SAMMSON: variants seen among roughly 807,000 people sequenced by gnomAD.
SAMMSON encodes the protein long intergenic non-protein coding RNA 1212.
chr3:70,425,209 C>G (rs886416658), intron 2 of SAMMSON: 1 of 152,126 alleles, frequency 6.6e-6, no homozygotes, highest in African/African-American at 2.4e-5. Context: ...CCTTGGTTCT[C>G]AGCTTTTTCA....
chr3:70,268,744 G>T (rs557794581), intron 6 of SAMMSON, among the ~76,000 whole-genome samples: 3 of 152,210 alleles, frequency 2.0e-5, no homozygotes, highest in East Asian at 3.9e-4. Context: ...CTGCTTTAGA[G>T]AAATACTTCA....
At chr3:70,119,643 T>G (rs2067424869) in intron 4 of SAMMSON, among the ~76,000 whole-genome samples, 1 of 152,132 alleles carries the variant, frequency 6.6e-6, no homozygotes, top group African/African-American at 2.4e-5. Flanking sequence ...AAGCTTCAAT[T>G]TTATATGTAA....
intron 7 of SAMMSON, among the ~76,000 whole-genome samples, chr3:70,322,920 G>T (rs912438147): frequency 1.3e-5 from 2 of 152,096 alleles, no homozygotes; most frequent in Admixed American, 1.3e-4. Flanking sequence ...ATACACAGTT[G>T]TTAATGTTAT....
At chr3:70,423,388 C>T (rs60344242) in intron 2 of SAMMSON, among the ~76,000 whole-genome samples, 31,785 of 151,932 alleles carry the variant, frequency 0.21, 3,743 homozygotes, top group African/African-American at 0.3. Flanking sequence ...GTTTTATTAC[C>T]TGTAAGAATT....
At chr3:70,126,503 T>C in intron 4 of SAMMSON, 1 of 627,140 alleles carries the variant, frequency 1.6e-6, no homozygotes. Context: ...AGCGGTCAGC[T>C]CAGCTGGCAG....
chr3:70,251,813 C>T (rs1027042353), intron 6 of SAMMSON, among the ~76,000 whole-genome samples: 7 of 152,182 alleles, frequency 4.6e-5, no homozygotes, highest in African/African-American at 1.4e-4. Context: ...CCCTACTGCA[C>T]CTGATTCAGA....
chr3:70,106,429 C>G (rs1367488573), intron 4 of SAMMSON, among the ~76,000 whole-genome samples: 1 of 151,106 alleles, frequency 6.6e-6, no homozygotes, highest in African/African-American at 2.4e-5. Flanking sequence ...TAGTTTCAAA[C>G]TTATGGGCTC....
chr3:70,427,257 A>G (rs539489502), intron 2 of SAMMSON, among the ~76,000 whole-genome samples: 11 of 152,288 alleles, frequency 7.2e-5, no homozygotes, highest in African/African-American at 2.6e-4. Flanking sequence ...CTAGGCATTC[A>G]TTGTTGTAGT....
intron 4 of SAMMSON, among the ~76,000 whole-genome samples, chr3:70,080,600 C>A (rs2067264439): frequency 6.6e-6 from 1 of 152,076 alleles, no homozygotes; most frequent in Admixed American, 6.5e-5. Flanking sequence ...CCTCCTCCCT[C>A]CAAAACCCTA....
intron 3 of SAMMSON, among the ~76,000 whole-genome samples, chr3:70,020,243 G>A (rs920624675): frequency 7.9e-5 from 12 of 151,974 alleles, no homozygotes; most frequent in African/African-American, 2.9e-4. Context: ...CTTTCCTTTA[G>A]CCTTCTCTGT....
intron 6 of SAMMSON, among the ~76,000 whole-genome samples, chr3:70,281,353 A>G (rs1702080546): frequency 6.6e-6 from 1 of 152,150 alleles, no homozygotes; most frequent in South Asian, 2.1e-4. Flanking sequence ...CAACTTCATT[A>G]TTTGACTCTC....
chr3:70,346,523 T>C lies in SAMMSON; in HGVS notation n.740-7652T>C, dbSNP rs186401463. On this transcript the variant is annotated intron_variant and non_coding_transcript_variant, in intron 7 of 9. Coordinates refer to ENST00000642114, the Ensembl canonical transcript of SAMMSON. ...ATCCAACTGTTTCAGCACAACTCCTTTTAAACTTTCCTCCATACTATGTGC... is the reference window on the plus strand; with the variant it reads ...ATCCAACTGTTTCAGCACAACTCCTCTTAAACTTTCCTCCATACTATGTGC... 1.6e-4 allele frequency among the ~76,000 whole-genome samples: 24 copies of C among 152,254 alleles called. No homozygotes were observed. In the East Asian group the frequency reaches 4.3e-3, roughly 27 times the overall value.
intron 4 of SAMMSON, among the ~76,000 whole-genome samples, chr3:70,221,844 A>G (rs533589945): frequency 3.3e-5 from 5 of 152,310 alleles, no homozygotes; most frequent in African/African-American, 1.2e-4. Context: ...CTGGGGCAAA[A>G]GTAATTGAGG....
intron 3 of SAMMSON, chr3:70,015,112 C>T (rs2066977229): frequency 6.6e-6 from 1 of 152,262 alleles, no homozygotes; most frequent in African/African-American, 2.4e-5. Flanking sequence ...AACCCTGTCT[C>T]TACTAAAAAT....
intron 4 of SAMMSON, among the ~76,000 whole-genome samples, chr3:70,223,701 G>A (rs980433121): frequency 6.6e-6 from 1 of 152,060 alleles, no homozygotes; most frequent in African/African-American, 2.4e-5. Flanking sequence ...TTATTTCCCA[G>A]TTTTAAGAGC....
chr3:70,096,702 TG>T (rs947238596), intron 4 of SAMMSON, among the ~76,000 whole-genome samples: 1 of 152,184 alleles, frequency 6.6e-6, no homozygotes, highest in African/African-American at 2.4e-5. Flanking sequence ...TGAGGGCCAC[TG>T]GGGGGTCATC....
At chr3:70,415,495 T>G (rs1051331313) in intron 2 of SAMMSON, among the ~76,000 whole-genome samples, 8 of 152,112 alleles carry the variant, frequency 5.3e-5, no homozygotes, top group African/African-American at 1.9e-4. Flanking sequence ...GAGCTCCCCC[T>G]CCTTTTTTTG....
chr3:70,156,915 A>G (rs911208295), intron 4 of SAMMSON, among the ~76,000 whole-genome samples: 5 of 152,110 alleles, frequency 3.3e-5, no homozygotes, highest in South Asian at 4.1e-4. Context: ...GTATTTTGAG[A>G]GAGTTCAATA....
intron 4 of SAMMSON, among the ~76,000 whole-genome samples, chr3:70,139,037 T>G (rs2067517241): frequency 6.6e-6 from 1 of 152,168 alleles, no homozygotes; most frequent in Admixed American, 6.5e-5. Flanking sequence ...TGATATATCT[T>G]CATTACAGAG....
Sources: allele counts gnomAD v4.1 joint callset (sites outside exome capture counted in the v4.1 genomes callset), GRCh38; gene constraint gnomAD v4.1.1; transcripts MANE v1.5; gene names NCBI Gene and HGNC (gene_info 2026-07-23, HGNC 2026-07-21).